Variants in RSPH14 observed in about 807,000 individuals in gnomAD.
RSPH14 encodes radial spoke head 14 homolog, also known as rhabdoid tumor deletion region gene 1.
RSPH14 carries 20 observed loss-of-function variants against 26.7 expected under a neutral mutation model. That is an observed-to-expected ratio of 0.75 (90% CI 0.53 to 1.09). The LOEUF is 1.09. Among genes scored for constraint, RSPH14 ranks in the 50% least tolerant of loss-of-function variants. The probability of loss-of-function intolerance (pLI) is 0.00; values close to 1 mark genes in which losing one functional copy is unlikely to be tolerated. For synonymous variants in RSPH14, 177 were observed against 189.3 expected (o/e 0.93, Z 0.53); for missense variants, 449 against 457.2 (o/e 0.98, Z 0.16).
At chr22:23,127,711 CT>C (rs1440282505) in intron 4 of RSPH14, among the ~76,000 whole-genome samples, 1 of 152,184 alleles carries the variant, frequency 6.6e-6, no homozygotes, top group Non-Finnish European at 1.5e-5. Flanking sequence ...TGGGTGCATT[CT>C]GGGTGGTATA....
chr22:23,153,034 T>A, the RSPH14 span: 1 of 1,613,252 alleles, frequency 6.2e-7, no homozygotes, highest in Non-Finnish European at 8.5e-7. Flanking sequence ...CCCCCACAGG[T>A]TTTGCAAGAA....
At chr22:23,144,230 C>T (rs535156419), upstream of RSPH14, among the ~76,000 whole-genome samples, 3 of 151,840 alleles carry the variant, frequency 2.0e-5, no homozygotes, top group East Asian at 5.8e-4. Flanking sequence ...CCCATTGGCA[C>T]ACTCCCTTCC....
intron 4 of RSPH14, among the ~76,000 whole-genome samples, chr22:23,078,086 A>G (rs1412935694): frequency 6.6e-6 from 1 of 152,198 alleles, no homozygotes; most frequent in Non-Finnish European, 1.5e-5. Flanking sequence ...AGTGGCTACC[A>G]GGACCCCTGC....
At chr22:23,153,174 T>C in the RSPH14 span, 1 of 1,460,404 alleles carries the variant, frequency 6.8e-7, no homozygotes, top group East Asian at 2.3e-5. Context: ...GGCAGCTTCC[T>C]ACAGGCACCT....
At chr22:23,144,730 C>T (rs1205631556), upstream of RSPH14, among the ~76,000 whole-genome samples, 1 of 151,678 alleles carries the variant, frequency 6.6e-6, no homozygotes, top group East Asian at 1.9e-4. Flanking sequence ...GCCTCCAGCA[C>T]ACTTAGCTTT....
chr22:23,180,578 G>A, the RSPH14 span: 1 of 38,620 alleles, frequency 2.6e-5, no homozygotes, highest in Non-Finnish European at 3.4e-5. Flanking sequence ...GGAGGCGGCG[G>A]CGGCGGCGGC....
intron 4 of RSPH14, among the ~76,000 whole-genome samples, chr22:23,130,494 GAA>G (rs1555939816): frequency 0.18 from 1,636 of 9,158 alleles, 205 homozygotes; most frequent in South Asian, 0.28. Context: ...AAGAAGGAAA[GAA>G]AAAGAAAGAA....
At chr22:23,080,143 C>T (rs1476705229) in intron 4 of RSPH14, among the ~76,000 whole-genome samples, 1 of 152,250 alleles carries the variant, frequency 6.6e-6, no homozygotes, top group East Asian at 1.9e-4. Context: ...TGGCCACCCT[C>T]TCCTCCATAG....
intron 4 of RSPH14, among the ~76,000 whole-genome samples, chr22:23,121,972 C>A (rs1291392031): frequency 6.6e-6 from 1 of 152,072 alleles, no homozygotes; most frequent in Non-Finnish European, 1.5e-5. Context: ...ACCTTGTGAT[C>A]CACCTGCCTC....
At chr22:23,116,549 A>G (rs1601830905) in intron 4 of RSPH14, among the ~76,000 whole-genome samples, 1 of 152,242 alleles carries the variant, frequency 6.6e-6, no homozygotes, top group African/African-American at 2.4e-5. Context: ...CCTGTGAGGC[A>G]GGGACAGGAA....
chr22:23,170,322 AG>A, the RSPH14 span, among the ~76,000 whole-genome samples: 1 of 152,318 alleles, frequency 6.6e-6, no homozygotes. Context: ...GGAGGCTGGA[AG>A]TTCCAGATCA....
intron 4 of RSPH14, among the ~76,000 whole-genome samples, chr22:23,066,134 G>C (rs1409026539): frequency 6.6e-6 from 1 of 152,214 alleles, no homozygotes; most frequent in Non-Finnish European, 1.5e-5. Context: ...GCAGATGGAA[G>C]GACAAAGTTC....
At chr22:23,070,271 C>G (rs2068314389) in intron 4 of RSPH14, 1 of 147,172 alleles carries the variant, frequency 6.8e-6, no homozygotes, top group African/African-American at 2.5e-5. Flanking sequence ...CCCCCGCCCG[C>G]GGTTGGCCTG....
intron 4 of RSPH14, among the ~76,000 whole-genome samples, chr22:23,125,500 G>C (rs2070161257): frequency 6.6e-6 from 1 of 152,210 alleles, no homozygotes; most frequent in Non-Finnish European, 1.5e-5. Flanking sequence ...CCCTGAGCAT[G>C]CAGTGCTCGC....
At chr22:23,162,795 C>T in the RSPH14 span, 2 of 455,030 alleles carry the variant, frequency 4.4e-6, no homozygotes, top group Non-Finnish European at 8.8e-6. Flanking sequence ...TGGCACACTG[C>T]AGCTGCCCTG....
At chr22:23,170,808 T>C in the RSPH14 span, among the ~76,000 whole-genome samples, 7 of 111,958 alleles carry the variant, frequency 6.3e-5, no homozygotes, top group Non-Finnish European at 8.9e-5. Flanking sequence ...CCGAGGCACA[T>C]TGAGGGTTAG....
chr22:23,088,802 G>A (rs764858035), intron 4 of RSPH14, among the ~76,000 whole-genome samples: 4 of 152,172 alleles, frequency 2.6e-5, no homozygotes, highest in African/African-American at 4.8e-5. Context: ...GGGCATTAGG[G>A]GTGTGGCCTT....
intron 2 of RSPH14, among the ~76,000 whole-genome samples, chr22:23,139,417 T>C (rs2070549310): frequency 6.6e-6 from 1 of 152,210 alleles, no homozygotes; most frequent in Non-Finnish European, 1.5e-5. Context: ...GATCAGGAGT[T>C]CAAGACCAGC....
chr22:23,136,189 G>A lies in RSPH14; in HGVS notation c.303-2045C>T. On this transcript the variant is annotated intron_variant, in intron 3 of 6. Transcript: ENST00000216036. Reference sequence around the variant, plus strand: ...TTTGCCTGTGTGCCTCCTCACCAGAGGCAAGCAAGAGGGCAGGGAACAGGC... The same window carrying A: ...TTTGCCTGTGTGCCTCCTCACCAGAAGCAAGCAAGAGGGCAGGGAACAGGC... 5.7e-6 allele frequency: 4 copies of A among 696,996 alleles called. No individual in the cohort carries two copies. In the South Asian group the frequency reaches 6.2e-5, roughly 11 times the overall value. 43.2% of individuals were successfully genotyped at this position (696,996 alleles called of 1,614,324 possible).
Sources: gnomAD v4.1 joint callset for allele counts (sites outside exome capture counted in the v4.1 genomes callset) on GRCh38, gnomAD v4.1.1 for gene constraint, MANE v1.5 for transcripts, NCBI Gene and HGNC (gene_info 2026-07-23, HGNC 2026-07-21) for gene names.